Variants in RNF121 observed in about 807,000 individuals in gnomAD.
The protein encoded by RNF121 is ring finger protein 121, also known as E3 ubiquitin ligase RNF121.
RNF121 carries 21 observed loss-of-function variants against 46.5 expected under a neutral mutation model. The ratio of observed to expected loss-of-function variants is 0.45; its 90% CI spans 0.32 to 0.65. The LOEUF (loss-of-function observed/expected upper bound fraction) is 0.65. Ranked by LOEUF, RNF121 falls within the 30% of genes least tolerant of loss-of-function variation. RNF121 has a pLI of 0.04. For synonymous variants in RNF121, 139 were observed against 144.7 expected (o/e 0.96, Z 0.28); for missense variants, 346 against 416.0 (o/e 0.83, Z 1.46).
Position 71,996,446 on chromosome 11 carries a change from CTGTGT to C in RNF121, c.*132_*136del. The C allele has an allele frequency of 9.7e-7, 1 of 1,026,128 alleles. No individual in the cohort carries two copies. The highest frequency in any genetic ancestry group is 1.4e-6 in the Non-Finnish European group (1 of 718,546). 63.6% of individuals were successfully genotyped at this position (1,026,128 alleles called of 1,614,324 possible). A position where few individuals can be genotyped will look rare whatever the true frequency, so the allele number is the denominator to read the frequency against. On this transcript the variant is annotated 3_prime_UTR_variant, in exon 9 of 9. Coordinates refer to ENST00000361756, the MANE Select transcript of RNF121 (RefSeq NM_018320.5). The stretch of plus-strand genomic sequence containing the variant: ...CTTGGGCCACTCAGGACCCCTCTGG[CTGTGT>C]CGGACTGGGGAGGGATATGATGGAG...
At chr11:71,989,628 CAG>C (rs1301148537) in intron 5 of RNF121, among the ~76,000 whole-genome samples, 1 of 152,072 alleles carries the variant, frequency 6.6e-6, no homozygotes, top group Admixed American at 6.6e-5. Flanking sequence ...AATATTTTAA[CAG>C]ATAATTTTCT....
chr11:71,979,030 C>A (rs1954592152), intron 3 of RNF121, among the ~76,000 whole-genome samples: 1 of 152,138 alleles, frequency 6.6e-6, no homozygotes, highest in Admixed American at 6.5e-5. Flanking sequence ...TGATTTAGAT[C>A]TTTTTCCTGC....
At chr11:71,936,082 T>C (rs895802206) in intron 1 of RNF121, among the ~76,000 whole-genome samples, 1 of 151,886 alleles carries the variant, frequency 6.6e-6, no homozygotes, top group South Asian at 2.1e-4. Flanking sequence ...CTCCTGACTT[T>C]GTGATCTGCC....
chr11:71,942,973 C>T (rs1476927003), intron 1 of RNF121, among the ~76,000 whole-genome samples: 1 of 152,078 alleles, frequency 6.6e-6, no homozygotes, highest in Non-Finnish European at 1.5e-5. Context: ...CACAGCCTCC[C>T]TAAAGCCACT....
intron 6 of RNF121, among the ~76,000 whole-genome samples, chr11:71,991,059 G>T: frequency 6.6e-6 from 1 of 152,118 alleles, no homozygotes; most frequent in East Asian, 1.9e-4. Context: ...GTAGGCACTG[G>T]GGACTACAAG....
rs113720707 is a variant in RNF121 at position 71,988,652 on chromosome 11, A to AGAAAG, written c.506+1541_506+1542insGAAAG. 3.9e-3 allele frequency among the ~76,000 whole-genome samples: 589 copies of AGAAAG among 150,330 alleles called. 2 individuals carry two copies. Among genetic ancestry groups the AGAAAG allele is most frequent in the African/African-American group, 0.014 (558 of 40,978 alleles). ...GACTCTCAACTCTTAAAAAAAAAAA[A>AGAAAG]AAAGAAAGAAAGAAAGAAAATTAGC... On this transcript the variant is annotated intron_variant, in intron 5 of 8. Transcript: ENST00000361756.
Position 71,989,654 on chromosome 11 carries a change from A to G in RNF121, c.507-943A>G, listed in dbSNP as rs1270811359. On this transcript the variant is annotated intron_variant, in intron 5 of 8. Coordinates refer to ENST00000361756, the MANE Select transcript of RNF121 (RefSeq NM_018320.5). ...AGATAATTTTCTATAACAAAGATTT[A>G]TAGACTCAAGGTTGCAAATTATCGG... Among the ~76,000 whole-genome samples the G allele has an allele frequency of 3.9e-5, 6 of 152,200 alleles. No homozygotes were observed. In the East Asian group the frequency reaches 9.6e-4, roughly 24 times the overall value.
In RNF121 at chr11:71,996,367, C is replaced by T; in HGVS notation, c.*52C>T. On this transcript the variant is annotated 3_prime_UTR_variant, in exon 9 of 9. Coordinates refer to ENST00000361756, the MANE Select transcript of RNF121 (RefSeq NM_018320.5). ...ACCCCACACGCCATGGACCTCAGGG[C>T]ACTCTCCTCCCTGCCCACAAAGACC... The T allele has an allele frequency of 6.3e-7, 1 of 1,597,764 alleles. No homozygotes were observed. The highest frequency in any genetic ancestry group is 8.5e-7 in the Non-Finnish European group (1 of 1,170,442).
At chr11:71,989,241 C>A (rs896761639) in intron 5 of RNF121, among the ~76,000 whole-genome samples, 1 of 152,040 alleles carries the variant, frequency 6.6e-6, no homozygotes, top group African/African-American at 2.4e-5. Context: ...CCACCACACC[C>A]GGCTAATTTT....
In RNF121 at chr11:71,962,399, T is replaced by TTC. The variant is rs1954158829; in HGVS notation, c.243+1509_243+1510insCT. On this transcript the variant is annotated intron_variant, in intron 3 of 8. Coordinates refer to ENST00000361756, the MANE Select transcript of RNF121 (RefSeq NM_018320.5). ...AGGAAAAACTCAATCTGGGAAACAG[T>TTC]TAAGAGGCTGCTCTGCTTGATATGA... 5.5e-6 allele frequency: 3 copies of TTC among 546,856 alleles called. No individual in the cohort carries two copies. The South Asian group carries it at 2.4e-4, about 44-fold the overall frequency. 33.9% of individuals were successfully genotyped at this position (546,856 alleles called of 1,614,324 possible).
chr11:71,950,374 A>G (rs928858116), intron 1 of RNF121, among the ~76,000 whole-genome samples: 5 of 152,020 alleles, frequency 3.3e-5, no homozygotes, highest in Non-Finnish European at 1.5e-5. Flanking sequence ...CACTTATGTC[A>G]GGAGTTTGAG....
chr11:71,932,163 G>A (rs1209059397), intron 1 of RNF121, among the ~76,000 whole-genome samples: 1 of 152,176 alleles, frequency 6.6e-6, no homozygotes, highest in East Asian at 1.9e-4. Flanking sequence ...AGAAAAGAGG[G>A]TTTAGGAAAA....
chr11:71,994,445 A>G (rs1490390677), intron 6 of RNF121, among the ~76,000 whole-genome samples: 1 of 152,036 alleles, frequency 6.6e-6, no homozygotes, highest in Non-Finnish European at 1.5e-5. Flanking sequence ...TTTGGTGCTG[A>G]TCCAGCCCAG....
At chr11:71,972,881 C>T (rs918629234) in intron 3 of RNF121, among the ~76,000 whole-genome samples, 1 of 152,102 alleles carries the variant, frequency 6.6e-6, no homozygotes, top group Non-Finnish European at 1.5e-5. Context: ...CCAACCTTCA[C>T]ATTAAGAGAA....
chr11:71,957,152 A>G, intron 1 of RNF121, 75 bp from the exon 2 acceptor site: 1 of 932,362 alleles, frequency 1.1e-6, no homozygotes. Flanking sequence ...GATACTGATA[A>G]ATGTGTGAGC....
At chr11:71,979,619 T>C (rs1212956990) in intron 3 of RNF121, among the ~76,000 whole-genome samples, 11 of 151,936 alleles carry the variant, frequency 7.2e-5, no homozygotes, top group Non-Finnish European at 1.5e-4. Flanking sequence ...CAACTCAGAA[T>C]AGAATCCAGG....
intron 2 of RNF121, among the ~76,000 whole-genome samples, chr11:71,958,862 TTC>T (rs1954057405): frequency 6.6e-6 from 1 of 152,238 alleles, no homozygotes; most frequent in African/African-American, 2.4e-5. Flanking sequence ...ACTGGATGAC[TTC>T]TCTGGTCTTT....
At chr11:71,960,502 A>G (rs1468589848) in intron 2 of RNF121, among the ~76,000 whole-genome samples, 1 of 152,188 alleles carries the variant, frequency 6.6e-6, no homozygotes, top group Non-Finnish European at 1.5e-5. Flanking sequence ...GGGGGCAGGC[A>G]GCAGGCCACT....
chr11:71,992,818 G>A (rs539022899), intron 6 of RNF121, among the ~76,000 whole-genome samples: 1 of 76,678 alleles, frequency 1.3e-5, no homozygotes, highest in East Asian at 3.0e-4. Context: ...TCTGAGAAAC[G>A]CAAGTAAATA....
Sources: allele counts gnomAD v4.1 joint callset (sites outside exome capture counted in the v4.1 genomes callset), GRCh38; gene constraint gnomAD v4.1.1; transcripts MANE v1.5; gene names NCBI Gene and HGNC (gene_info 2026-07-23, HGNC 2026-07-21).